OSBPL9: variants seen among roughly 807,000 people sequenced by gnomAD.
The protein encoded by OSBPL9 is oxysterol-binding protein-related protein 9.
Under a neutral mutation model 106.6 loss-of-function variants are expected in OSBPL9, and 40 were observed. The ratio of observed to expected loss-of-function variants is 0.38; its 90% CI spans 0.29 to 0.49. The LOEUF (loss-of-function observed/expected upper bound fraction) is 0.49. Ranked by LOEUF, OSBPL9 falls within the 20% of genes least tolerant of loss-of-function variation. OSBPL9 has a pLI of 0.97. For synonymous variants in OSBPL9, 269 were observed against 295.4 expected (o/e 0.91, Z 0.92); for missense variants, 609 against 887.2 (o/e 0.69, Z 3.98).
intron 5 of OSBPL9, 76 bp from the exon 6 acceptor site, chr1:51,746,634 G>T: frequency 1.9e-6 from 2 of 1,039,684 alleles, no homozygotes; most frequent in South Asian, 3.0e-5. Flanking sequence ...ACAAATGTTT[G>T]TTTTTCTGTG....
chr1:51,779,983 C>T (rs1423425809), intron 15 of OSBPL9, among the ~76,000 whole-genome samples: 1 of 151,260 alleles, frequency 6.6e-6, no homozygotes, highest in African/African-American at 2.4e-5. Context: ...GAGGCTGAGG[C>T]AGGAGAATGG....
intron 2 of OSBPL9, among the ~76,000 whole-genome samples, chr1:51,666,460 G>C (rs886277101): frequency 1.3e-5 from 2 of 152,304 alleles, no homozygotes; most frequent in South Asian, 4.2e-4. Flanking sequence ...AAAAATTTAA[G>C]ATCCTCAGTC....
intron 2 of OSBPL9, among the ~76,000 whole-genome samples, chr1:51,608,469 T>A (rs988304895): frequency 2.0e-5 from 3 of 151,144 alleles, no homozygotes; most frequent in East Asian, 1.9e-4. Flanking sequence ...ATTTTTTTTT[T>A]TTTTATTTTT....
chr1:51,679,662 C>T lies in OSBPL9; in HGVS notation c.241+10150C>T, dbSNP rs377638016. On this transcript the variant is annotated intron_variant, in intron 3 of 23. Transcript: ENST00000428468. ...CCATCCCACTTGGGTGTGAATCATC[C>T]TTTTGTCCCATGTATCTATGGTGAT... Among the ~76,000 whole-genome samples the T allele has an allele frequency of 4.7e-4, 71 of 152,310 alleles. 3 individuals carry two copies. In the South Asian group the frequency reaches 0.012, roughly 25 times the overall value.
At chr1:51,660,268 G>A (rs1022772908) in intron 2 of OSBPL9, among the ~76,000 whole-genome samples, 6 of 152,036 alleles carry the variant, frequency 3.9e-5, no homozygotes, top group African/African-American at 1.4e-4. Context: ...AGAGCAGAAA[G>A]CATAAACCAC....
chr1:51,606,059 C>T (rs752979498), intron 2 of OSBPL9, among the ~76,000 whole-genome samples: 4 of 151,952 alleles, frequency 2.6e-5, no homozygotes, highest in South Asian at 4.2e-4. Flanking sequence ...GAAATATGAC[C>T]GGCTCTCACA....
intron 3 of OSBPL9, among the ~76,000 whole-genome samples, chr1:51,673,216 C>G (rs1346965100): frequency 6.6e-6 from 1 of 152,202 alleles, no homozygotes; most frequent in Non-Finnish European, 1.5e-5. Flanking sequence ...GGATCAGCAA[C>G]TATGTCAAAT....
chr1:51,635,783 C>T (rs932363215), intron 1 of OSBPL9, among the ~76,000 whole-genome samples: 1 of 151,908 alleles, frequency 6.6e-6, no homozygotes, highest in African/African-American at 2.4e-5. Context: ...ACCTGAGACT[C>T]GACAATGTTA....
rs781134495 is a variant in OSBPL9 at position 51,787,817 on chromosome 1, T to C, written c.*28T>C. 3.8e-6 allele frequency: 6 copies of C among 1,567,320 alleles called. No homozygotes were observed. The highest frequency in any genetic ancestry group is 4.4e-6 in the Non-Finnish European group (5 of 1,138,716). On this transcript the variant is annotated 3_prime_UTR_variant, in exon 24 of 24. Transcript: ENST00000428468. The stretch of plus-strand genomic sequence containing the variant: ...TGGAAGATGCAAAGTTTATACCTGA[T>C]GATCAGGGCAGTAGGCATAATTCAG...
At chr1:51,711,386 C>G (rs950922267) in intron 3 of OSBPL9, among the ~76,000 whole-genome samples, 2 of 147,722 alleles carry the variant, frequency 1.4e-5, no homozygotes, top group Non-Finnish European at 3.0e-5. Context: ...GGCAGAGGGG[C>G]TCTTTACTTC....
the OSBPL9 span, among the ~76,000 whole-genome samples, chr1:51,541,472 C>T: frequency 4.6e-5 from 7 of 152,198 alleles, no homozygotes; most frequent in Non-Finnish European, 8.8e-5. Context: ...CTAATTGCCT[C>T]AATCACCTCA....
chr1:51,607,728 G>A (rs978099704), intron 2 of OSBPL9, among the ~76,000 whole-genome samples: 2 of 152,152 alleles, frequency 1.3e-5, no homozygotes, highest in African/African-American at 2.4e-5. Context: ...GAATCCATAC[G>A]GGTTTGCAGC....
At chr1:51,650,998 A>C (rs573657669) in intron 1 of OSBPL9, among the ~76,000 whole-genome samples, 2 of 152,322 alleles carry the variant, frequency 1.3e-5, no homozygotes, top group South Asian at 4.1e-4. Context: ...AGTCAGATAC[A>C]ATTCCTACCC....
chr1:51,595,715 C>G (rs1347978861), intron 1 of OSBPL9, among the ~76,000 whole-genome samples: 2 of 152,246 alleles, frequency 1.3e-5, no homozygotes, highest in Middle Eastern at 3.4e-3. Flanking sequence ...GAAAAAAGCA[C>G]CAGCATTTGT....
the OSBPL9 span, among the ~76,000 whole-genome samples, chr1:51,548,094 T>TA: frequency 1.3e-5 from 2 of 152,062 alleles, no homozygotes; most frequent in Non-Finnish European, 2.9e-5. Context: ...TCATAATTTT[T>TA]AAAAAAATCA....
intron 3 of OSBPL9, among the ~76,000 whole-genome samples, chr1:51,687,710 G>A (rs180674705): frequency 2.6e-5 from 4 of 152,312 alleles, no homozygotes; most frequent in East Asian, 3.9e-4. Flanking sequence ...TAGAATACAC[G>A]GGAGGTGAGG....
At chr1:51,660,758 T>C (rs1442293656) in intron 2 of OSBPL9, among the ~76,000 whole-genome samples, 1 of 152,214 alleles carries the variant, frequency 6.6e-6, no homozygotes, top group Non-Finnish European at 1.5e-5. Context: ...TTCTATATTA[T>C]TGATTCTGTC....
At chr1:51,662,477 G>A (rs1286212355) in intron 2 of OSBPL9, among the ~76,000 whole-genome samples, 1 of 152,280 alleles carries the variant, frequency 6.6e-6, no homozygotes, top group South Asian at 2.1e-4. Flanking sequence ...AGATGCAAGT[G>A]AGTCTTCAGG....
chr1:51,666,074 C>T (rs1648422036), intron 2 of OSBPL9, among the ~76,000 whole-genome samples: 1 of 152,116 alleles, frequency 6.6e-6, no homozygotes, highest in South Asian at 2.1e-4. Flanking sequence ...TCTCAAACCC[C>T]TGACCTCAGG....
Sources: gnomAD v4.1 joint callset for allele counts (sites outside exome capture counted in the v4.1 genomes callset) on GRCh38, gnomAD v4.1.1 for gene constraint, MANE v1.5 for transcripts, NCBI Gene and HGNC (gene_info 2026-07-23, HGNC 2026-07-21) for gene names.